PPP1R9A: variants seen among roughly 807,000 people sequenced by gnomAD.
PPP1R9A encodes protein phosphatase 1 regulatory subunit 9A, also known as neurabin-1.
In PPP1R9A, 59 loss-of-function variants were observed where a neutral mutation model predicts 141.9. The ratio of observed to expected loss-of-function variants is 0.42; its 90% CI spans 0.34 to 0.52. The LOEUF is 0.52. Among genes scored for constraint, PPP1R9A ranks in the 20% least tolerant of loss-of-function variants. The pLI, the probability that PPP1R9A is intolerant of heterozygous loss-of-function variation, is 0.10. For synonymous variants in PPP1R9A, 500 were observed against 569.7 expected (o/e 0.88, Z 1.74); for missense variants, 1,444 against 1,611.9 (o/e 0.90, Z 1.78).
chr7:95,217,949 GT>G (rs1793751098), intron 7 of PPP1R9A, among the ~76,000 whole-genome samples: 1 of 152,042 alleles, frequency 6.6e-6, no homozygotes, highest in Non-Finnish European at 1.5e-5. Context: ...TTTTTGAAGG[GT>G]TTTTTGTGTC....
intron 9 of PPP1R9A, among the ~76,000 whole-genome samples, chr7:95,249,462 T>C (rs999113528): frequency 6.6e-6 from 1 of 152,102 alleles, no homozygotes; most frequent in East Asian, 1.9e-4. Flanking sequence ...AATTCTGTTG[T>C]ATGGATGATG....
At chr7:95,111,537 TG>T (rs1410172345) in intron 3 of PPP1R9A, 146 bp downstream of exon 3, 1 of 886,708 alleles carries the variant, frequency 1.1e-6, no homozygotes, top group Non-Finnish European at 1.7e-6. Context: ...CAAAAATAGT[TG>T]ATATGGATTC....
At chr7:95,193,267 A>G (rs1364661081) in intron 5 of PPP1R9A, among the ~76,000 whole-genome samples, 1 of 152,106 alleles carries the variant, frequency 6.6e-6, no homozygotes, top group Non-Finnish European at 1.5e-5. Flanking sequence ...AGCTGCCTGA[A>G]TGAAGAGATA....
At chr7:95,058,115 C>G (rs191985547) in intron 2 of PPP1R9A, among the ~76,000 whole-genome samples, 2 of 152,244 alleles carry the variant, frequency 1.3e-5, no homozygotes, top group East Asian at 3.9e-4. Flanking sequence ...AAATAATCAT[C>G]TTAAATAATA....
At chr7:95,156,447 T>G (rs2152688804) in intron 4 of PPP1R9A, 1 of 152,466 alleles carries the variant, frequency 6.6e-6, no homozygotes, top group African/African-American at 2.4e-5. Flanking sequence ...GGGGGCATGT[T>G]TCAGTCCTGT....
chr7:95,160,920 C>T (rs1830385852), intron 4 of PPP1R9A, among the ~76,000 whole-genome samples: 1 of 152,186 alleles, frequency 6.6e-6, no homozygotes, highest in African/African-American at 2.4e-5. Flanking sequence ...TTTATCTCAT[C>T]CACCATTTGT....
At chr7:95,212,205 A>T (rs1792278334) in intron 7 of PPP1R9A, among the ~76,000 whole-genome samples, 1 of 152,150 alleles carries the variant, frequency 6.6e-6, no homozygotes, top group South Asian at 2.1e-4. Flanking sequence ...TTGATGCATA[A>T]GATATACATC....
chr7:95,057,757 A>G (rs1811692839), intron 2 of PPP1R9A, among the ~76,000 whole-genome samples: 2 of 152,080 alleles, frequency 1.3e-5, no homozygotes, highest in Admixed American at 1.3e-4. Context: ...TTTCAGTGTG[A>G]TAGAATCCAC....
chr7:94,999,588 C>T (rs1195210755), intron 2 of PPP1R9A, among the ~76,000 whole-genome samples: 3 of 152,110 alleles, frequency 2.0e-5, no homozygotes, highest in Non-Finnish European at 2.9e-5. Context: ...GAAAGGTTTC[C>T]TTTGAAATGC....
chr7:94,954,808 T>C (rs1023071857), intron 2 of PPP1R9A, among the ~76,000 whole-genome samples: 1 of 150,176 alleles, frequency 6.7e-6, no homozygotes, highest in African/African-American at 2.5e-5. Flanking sequence ...TATTCTGTTA[T>C]TTTAGAATAT....
intron 16 of PPP1R9A, 107 bp downstream of exon 16, chr7:95,274,275 T>C: frequency 9.6e-7 from 1 of 1,044,132 alleles, no homozygotes; most frequent in South Asian, 1.6e-5. Flanking sequence ...GCTAAAGTGA[T>C]ATGCCAAGAA....
chr7:95,292,679 T>A lies in PPP1R9A; in HGVS notation c.*2376T>A, dbSNP rs1228926328. 9.2e-5 allele frequency: 14 copies of A among 152,346 alleles called. No homozygotes were observed. The highest frequency in any genetic ancestry group is 8.5e-4 in the Admixed American group (13 of 15,304). The allele number at this position is 152,346 out of a possible 1,614,324, so 9.4% of individuals were successfully genotyped here. On this transcript the variant is annotated 3_prime_UTR_variant, in exon 20 of 20. Transcript: ENST00000433360. ...CATTTAGTATTATAAGTATTTTGAT[T>A]TTTTAAGTTAAATTATAGTAATTTT...
intron 2 of PPP1R9A, among the ~76,000 whole-genome samples, chr7:95,040,378 C>T (rs952362605): frequency 2.6e-5 from 4 of 151,646 alleles, no homozygotes; most frequent in South Asian, 2.1e-4. Flanking sequence ...GAGTCAGTAA[C>T]GGCTCCATGC....
chr7:95,274,946 G>A (rs911513770), intron 16 of PPP1R9A, among the ~76,000 whole-genome samples: 2 of 152,146 alleles, frequency 1.3e-5, no homozygotes, highest in African/African-American at 2.4e-5. Flanking sequence ...TCAGTGTAAG[G>A]ATTCAATGAG....
At chr7:94,995,447 G>C (rs749407389) in intron 2 of PPP1R9A, among the ~76,000 whole-genome samples, 3 of 151,498 alleles carry the variant, frequency 2.0e-5, no homozygotes, top group African/African-American at 4.9e-5. Context: ...ATGTTAGGTT[G>C]CTTGAAGTTG....
chr7:95,088,855 C>T (rs1165576415), intron 2 of PPP1R9A, among the ~76,000 whole-genome samples: 1 of 151,960 alleles, frequency 6.6e-6, no homozygotes, highest in Non-Finnish European at 1.5e-5. Context: ...ACTGCTGAGA[C>T]TGGAAAACAT....
rs150186209 is a variant in PPP1R9A, at chr7:95,210,195, T to G, written c.1956+6465T>G. 4.8e-3 allele frequency among the ~76,000 whole-genome samples: 734 copies of G among 152,276 alleles called. 5 individuals carry two copies. Among genetic ancestry groups the G allele is most frequent in the African/African-American group, 0.017 (692 of 41,540 alleles). ...TTAAATGGAATTGAATTAAGAATAT[T>G]AAGACATGGTGAATATATTTTATGC... On this transcript the variant is annotated intron_variant, in intron 7 of 19. Transcript: ENST00000433360.
intron 2 of PPP1R9A, among the ~76,000 whole-genome samples, chr7:95,010,254 A>ATG: frequency 6.6e-6 from 1 of 152,112 alleles, no homozygotes; most frequent in South Asian, 2.1e-4. Context: ...TAATAATAAA[A>ATG]ATAGCTGGGC....
chr7:95,120,317 G>A (rs1031033293), intron 3 of PPP1R9A, among the ~76,000 whole-genome samples: 1 of 152,110 alleles, frequency 6.6e-6, no homozygotes, highest in African/African-American at 2.4e-5. Context: ...TATAAATGAA[G>A]GAGGAATTCC....
Sources: gnomAD v4.1 joint callset for allele counts (sites outside exome capture counted in the v4.1 genomes callset) on GRCh38, gnomAD v4.1.1 for gene constraint, MANE v1.5 for transcripts, NCBI Gene and HGNC (gene_info 2026-07-23, HGNC 2026-07-21) for gene names.